Variants in WDPCP observed in about 807,000 individuals in gnomAD.
WDPCP encodes WD repeat-containing and planar cell polarity effector protein fritz homolog.
In WDPCP, 71 loss-of-function variants were observed where a neutral mutation model predicts 93.1. That is an observed-to-expected ratio of 0.76 (90% CI 0.63 to 0.93). The LOEUF is 0.93. Ranked by LOEUF, WDPCP falls within the 40% of genes least tolerant of loss-of-function variation. The pLI is 0.00. For synonymous variants in WDPCP, 315 were observed against 315.0 expected (o/e 1.00, Z 0.00); for missense variants, 844 against 887.4 (o/e 0.95, Z 0.62).
At chr2:63,425,085 G>T (rs7598973) in intron 9 of WDPCP, among the ~76,000 whole-genome samples, 42,317 of 152,114 alleles carry the variant, frequency 0.28, 6,698 homozygotes, top group East Asian at 0.69. Context: ...TTGTGAAACC[G>T]AGAGCAAGAA....
chr2:63,800,929 C>T (rs1670685491), intron 2 of WDPCP, among the ~76,000 whole-genome samples: 1 of 151,860 alleles, frequency 6.6e-6, no homozygotes, highest in Non-Finnish European at 1.5e-5. Context: ...TGGTGTGTGC[C>T]TGTAGTCCCA....
intron 15 of WDPCP, chr2:63,168,703 G>A (rs1438049922): frequency 6.6e-6 from 1 of 152,158 alleles, no homozygotes; most frequent in Non-Finnish European, 1.5e-5. Context: ...CATCAATATG[G>A]TGACCTCCTG....
chr2:63,278,470 AAAAC>A (rs1683252367), intron 13 of WDPCP, among the ~76,000 whole-genome samples: 1 of 152,160 alleles, frequency 6.6e-6, no homozygotes, highest in African/African-American at 2.4e-5. Context: ...AAAGATAAAT[AAAAC>A]AAAAAGCTGT....
At chr2:63,149,915 T>A (rs1385279504) in intron 17 of WDPCP, among the ~76,000 whole-genome samples, 1 of 152,118 alleles carries the variant, frequency 6.6e-6, no homozygotes, top group Non-Finnish European at 1.5e-5. Flanking sequence ...GTGGGATGAC[T>A]GCTTATGCCC....
intron 12 of WDPCP, among the ~76,000 whole-genome samples, chr2:63,324,636 T>A (rs1036416562): frequency 1.3e-5 from 2 of 152,240 alleles, no homozygotes; most frequent in Non-Finnish European, 2.9e-5. Context: ...ATGAAAAGAA[T>A]GCAGCTTTAG....
At chr2:63,205,223 C>A (rs968167131) in intron 14 of WDPCP, among the ~76,000 whole-genome samples, 5 of 152,062 alleles carry the variant, frequency 3.3e-5, no homozygotes, top group South Asian at 2.1e-4. Flanking sequence ...ATGCCAGTAC[C>A]ATGTTGTTTT....
At chr2:63,704,929 G>C (rs1669123441) in intron 2 of WDPCP, among the ~76,000 whole-genome samples, 1 of 152,086 alleles carries the variant, frequency 6.6e-6, no homozygotes, top group Non-Finnish European at 1.5e-5. Context: ...ATCTGGTCCT[G>C]GACTTTTTTT....
intron 9 of WDPCP, among the ~76,000 whole-genome samples, chr2:63,432,112 A>G (rs1696806040): frequency 1.3e-5 from 2 of 152,186 alleles, no homozygotes; most frequent in African/African-American, 2.4e-5. Flanking sequence ...TTCAAGTATC[A>G]ATTCCTTTTG....
chr2:63,393,569 C>CT (rs1373997276), intron 10 of WDPCP, among the ~76,000 whole-genome samples: 1 of 151,392 alleles, frequency 6.6e-6, no homozygotes, highest in Admixed American at 6.6e-5. Context: ...AAAAGAAAAA[C>CT]TAATTTAAAA....
chr2:63,688,193 G>A (rs1227026586), intron 2 of WDPCP, among the ~76,000 whole-genome samples: 1 of 152,146 alleles, frequency 6.6e-6, no homozygotes, highest in Admixed American at 6.5e-5. Context: ...TTGGGAGGCC[G>A]AGGCGGGCAG....
At chr2:63,403,974 A>C (rs1454626602) in intron 10 of WDPCP, 74 bp downstream of exon 10, 1 of 1,588,708 alleles carries the variant, frequency 6.3e-7, no homozygotes, top group East Asian at 2.2e-5. Context: ...CATTCTAAGA[A>C]TAGTTTTATT....
chr2:63,277,775 GA>G (rs2104909665), intron 13 of WDPCP, among the ~76,000 whole-genome samples: 1 of 152,244 alleles, frequency 6.6e-6, no homozygotes, highest in South Asian at 2.1e-4. Flanking sequence ...CTAGACCTAA[GA>G]AATGAGATAG....
chr2:63,483,216 CAAAT>C (rs1219089330), intron 6 of WDPCP, among the ~76,000 whole-genome samples: 1 of 151,808 alleles, frequency 6.6e-6, no homozygotes, highest in African/African-American at 2.4e-5. Context: ...GCCCTCTGGT[CAAAT>C]AATTCTGAGC....
At chr2:63,554,533 A>T (rs1481878910) in intron 1 of WDPCP, among the ~76,000 whole-genome samples, 5 of 152,140 alleles carry the variant, frequency 3.3e-5, no homozygotes, top group Admixed American at 3.3e-4. Flanking sequence ...GGCACCTGTA[A>T]TCCCAGCTAC....
At chr2:63,787,464 T>C (rs1162304450) in intron 2 of WDPCP, among the ~76,000 whole-genome samples, 2 of 152,192 alleles carry the variant, frequency 1.3e-5, no homozygotes, top group Non-Finnish European at 2.9e-5. Flanking sequence ...GGGTTTGTCT[T>C]ATCTTAGACC....
chr2:63,341,424 C>T lies in WDPCP; in HGVS notation c.1749-28113G>A, dbSNP rs1160233019. On this transcript the variant is annotated intron_variant, in intron 12 of 17. Coordinates refer to ENST00000272321, the MANE Select transcript of WDPCP (RefSeq NM_015910.7). ...GATTACAGGCGTGAGCCACCACGCC[C>T]AGCCCCAGACTTGTTTTGTGACCTA... Among the ~76,000 whole-genome samples, 4 of 152,242 alleles carry T rather than the reference C, an allele frequency of 2.6e-5. No individual in the cohort carries two copies. In the East Asian group the frequency reaches 7.7e-4, roughly 29 times the overall value.
At chr2:63,604,284 C>T (rs1177436586) in intron 3 of WDPCP, among the ~76,000 whole-genome samples, 1 of 152,092 alleles carries the variant, frequency 6.6e-6, no homozygotes, top group Admixed American at 6.5e-5. Flanking sequence ...TGCCTAAATA[C>T]CTGATTACTC....
intron 11 of WDPCP, among the ~76,000 whole-genome samples, chr2:63,380,592 G>A (rs1575278684): frequency 6.6e-6 from 1 of 151,974 alleles, no homozygotes; most frequent in African/African-American, 2.4e-5. Context: ...GGTGTGTGGT[G>A]CACATCTGTA....
At chr2:63,429,118 T>C (rs1235412742) in intron 9 of WDPCP, among the ~76,000 whole-genome samples, 1 of 152,186 alleles carries the variant, frequency 6.6e-6, no homozygotes, top group Non-Finnish European at 1.5e-5. Context: ...TGGCTATTCA[T>C]GTGCAGAAGA....
Sources: allele counts gnomAD v4.1 joint callset (sites outside exome capture counted in the v4.1 genomes callset), GRCh38; gene constraint gnomAD v4.1.1; transcripts MANE v1.5; gene names NCBI Gene and HGNC (gene_info 2026-07-23, HGNC 2026-07-21).